Variants in GRIN2A observed in about 807,000 individuals in gnomAD.
GRIN2A encodes the protein glutamate receptor ionotropic, NMDA 2A.
A neutral mutation model predicts 113.4 loss-of-function variants in GRIN2A; 22 were observed. The ratio of observed to expected loss-of-function variants is 0.19; its 90% CI spans 0.14 to 0.28. The LOEUF is 0.28. Among genes scored for constraint, GRIN2A ranks in the 10% least tolerant of loss-of-function variants. The pLI is 1.00. For missense variants in GRIN2A, 1,502 were observed against 1,887.0 expected, an observed-to-expected ratio of 0.80 and a Z score of 3.78; for synonymous variants, 827 against 738.4, an observed-to-expected ratio of 1.12 and a Z score of -1.94.
At chr16:9,894,010 TAAG>T (rs2043753408) in intron 3 of GRIN2A, among the ~76,000 whole-genome samples, 1 of 152,114 alleles carries the variant, frequency 6.6e-6, no homozygotes, top group African/African-American at 2.4e-5. Context: ...AGAGTAAATG[TAAG>T]AAGGTGAGAC....
intron 11 of GRIN2A, among the ~76,000 whole-genome samples, chr16:9,786,660 A>T (rs1902247588): frequency 6.6e-6 from 1 of 152,158 alleles, no homozygotes; most frequent in Non-Finnish European, 1.5e-5. Flanking sequence ...ATAGCAGCTA[A>T]AGAAGTAACA....
rs540827177 is a variant in GRIN2A at position 9,822,095 on chromosome 16, G to C, written c.2168+169C>G. ...TTCACCCAACTCAGAAGGAAACCTG[G>C]GATGCTCATTAGATTAACAAAAACT... On this transcript the variant is annotated intron_variant, in intron 10 of 12. Transcript: ENST00000330684. 2.0e-5 allele frequency among the ~76,000 whole-genome samples: 3 copies of C among 152,104 alleles called. No individual in the cohort carries two copies. In the East Asian group the frequency reaches 5.8e-4, roughly 29 times the overall value.
Position 10,133,995 on chromosome 16 carries a change from C to T in GRIN2A, c.414+46003G>A, listed in dbSNP as rs533041584. On this transcript the variant is annotated intron_variant, in intron 2 of 12. Coordinates refer to ENST00000330684, the MANE Select transcript of GRIN2A (RefSeq NM_001134407.3). ...CCCAGACATTGGAGACCAACCTGGACAACGTGGTGAAACCCCACCTCTGAA... is the reference window on the plus strand; with the variant it reads ...CCCAGACATTGGAGACCAACCTGGATAACGTGGTGAAACCCCACCTCTGAA... Among the ~76,000 whole-genome samples the T allele has an allele frequency of 1.1e-4, 16 of 151,732 alleles. No individual in the cohort carries two copies. In the South Asian group the frequency reaches 3.3e-3, roughly 32 times the overall value.
chr16:10,024,581 G>A (rs148135442), intron 2 of GRIN2A, among the ~76,000 whole-genome samples: 3 of 152,168 alleles, frequency 2.0e-5, no homozygotes, highest in Admixed American at 6.5e-5. Flanking sequence ...TCATTACCAC[G>A]TCTTCTCTGT....
intron 2 of GRIN2A, among the ~76,000 whole-genome samples, chr16:10,129,458 T>C (rs1009952234): frequency 9.9e-5 from 15 of 152,164 alleles, no homozygotes; most frequent in African/African-American, 3.4e-4. Context: ...GGCTAATGGC[T>C]AGAGTGGAGG....
At chr16:10,058,768 A>T (rs2047499405) in intron 2 of GRIN2A, among the ~76,000 whole-genome samples, 1 of 152,236 alleles carries the variant, frequency 6.6e-6, no homozygotes, top group Non-Finnish European at 1.5e-5. Context: ...TTCATCCCCC[A>T]AATTCTGAAT....
intron 2 of GRIN2A, among the ~76,000 whole-genome samples, chr16:10,136,909 AG>A (rs1445243727): frequency 6.6e-6 from 1 of 152,258 alleles, no homozygotes; most frequent in African/African-American, 2.4e-5. Context: ...GAAGTGAGAC[AG>A]GGAAGTAAAA....
At chr16:10,038,738 C>T (rs904569109) in intron 2 of GRIN2A, among the ~76,000 whole-genome samples, 1 of 151,756 alleles carries the variant, frequency 6.6e-6, no homozygotes, top group Non-Finnish European at 1.5e-5. Context: ...GTCTCAGCTA[C>T]TAGGGTGGCT....
Position 9,841,114 on chromosome 16 carries a change from A to C in GRIN2A, c.1329-10T>G. On this transcript the variant is annotated splice_polypyrimidine_tract_variant and intron_variant, in intron 5 of 12. Transcript: ENST00000330684. ...CTCATTGGTTGAATTGCTGTAAAGA[A>C]AAACCCCAAGACCACAGAATGTTAG... is the stretch of plus-strand genomic sequence containing the variant. 6.2e-7 allele frequency: 1 copy of C among 1,610,408 alleles called. No homozygotes were observed. The highest frequency in any genetic ancestry group is 8.5e-7 in the Non-Finnish European group (1 of 1,176,744).
chr16:10,179,658 C>A (rs562847315), intron 2 of GRIN2A: 167 of 414,538 alleles, frequency 4.0e-4, no homozygotes, highest in Middle Eastern at 3.1e-3. Context: ...CCTGGGCCCA[C>A]CTCTGTGCCC....
At chr16:10,096,573 C>CACACACACACACACACACA (rs1555478915) in intron 2 of GRIN2A, among the ~76,000 whole-genome samples, 2 of 149,266 alleles carry the variant, frequency 1.3e-5, no homozygotes, top group African/African-American at 4.9e-5. Flanking sequence ...CACACACACA[C>CACACACACACACACACACA]TTTACTCTCT....
At chr16:10,064,697 C>G (rs1312533637) in intron 2 of GRIN2A, among the ~76,000 whole-genome samples, 1 of 152,168 alleles carries the variant, frequency 6.6e-6, no homozygotes, top group Non-Finnish European at 1.5e-5. Flanking sequence ...ACTAACAACC[C>G]CAGGTGCAAA....
chr16:10,113,352 C>T (rs2048661667), intron 2 of GRIN2A, among the ~76,000 whole-genome samples: 1 of 152,188 alleles, frequency 6.6e-6, no homozygotes, highest in Non-Finnish European at 1.5e-5. Flanking sequence ...AAGAGGAGGT[C>T]TCTGCCCCCT....
At chr16:9,929,819 C>T (rs536438104) in intron 3 of GRIN2A, among the ~76,000 whole-genome samples, 2 of 152,268 alleles carry the variant, frequency 1.3e-5, no homozygotes, top group South Asian at 2.1e-4. Context: ...TTCCAAAATC[C>T]TAAGACTTAC....
chr16:9,834,533 C>T (rs1009133297), intron 7 of GRIN2A, among the ~76,000 whole-genome samples: 3 of 152,124 alleles, frequency 2.0e-5, no homozygotes, highest in Non-Finnish European at 4.4e-5. Flanking sequence ...AGGCATGTGC[C>T]ACCATGCCTG....
intron 2 of GRIN2A, among the ~76,000 whole-genome samples, chr16:10,091,302 T>C (rs935481345): frequency 6.6e-6 from 1 of 152,138 alleles, no homozygotes; most frequent in Non-Finnish European, 1.5e-5. Flanking sequence ...CAAATACCCA[T>C]GAGCTGGTAA....
At position 9,764,296 on chromosome 16, in the gene GRIN2A, T is replaced by C; in HGVS notation, c.3248A>G (p.Lys1083Arg). 2 of 1,614,046 alleles carry C rather than the reference T, an allele frequency of 1.2e-6. No homozygotes were observed. The highest frequency in any genetic ancestry group is 1.3e-5 in the African/African-American group (1 of 75,000). Residue 1083 changes from lysine (K) to arginine (R), a missense_variant, in exon 13 of 13, where the codon AAG becomes AGG. By Grantham distance (26) the Lys-to-Arg change is conservative. Coordinates refer to ENST00000330684, the MANE Select transcript of GRIN2A (RefSeq NM_001134407.3). ...EPDNSKNHKT[K>R]DNFKRSVASK... ...GGCCACTGACCTTTTAAAGTTGTCC[T>C]TGGTTTTGTGGTTCTTACTGTTGTC...
At chr16:9,889,352 C>A in intron 4 of GRIN2A, among the ~76,000 whole-genome samples, 1 of 151,896 alleles carries the variant, frequency 6.6e-6, no homozygotes, top group East Asian at 1.9e-4. Context: ...TTTGTGTTTT[C>A]TTTCTTTTGT....
At chr16:9,948,410 G>A (rs558178944) in intron 2 of GRIN2A, among the ~76,000 whole-genome samples, 1 of 152,258 alleles carries the variant, frequency 6.6e-6, no homozygotes, top group African/African-American at 2.4e-5. Flanking sequence ...CTAGTCCATG[G>A]ACCAAGCTTT....
Sources: gnomAD v4.1 joint callset for allele counts (sites outside exome capture counted in the v4.1 genomes callset) on GRCh38, gnomAD v4.1.1 for gene constraint, MANE v1.5 for transcripts, NCBI Gene and HGNC (gene_info 2026-07-23, HGNC 2026-07-21) for gene names.